MAGT1: variants seen among roughly 807,000 people sequenced by gnomAD.
MAGT1 encodes dolichyl-diphosphooligosaccharide--protein glycosyltransferase subunit MAGT1.
In MAGT1, 4 loss-of-function variants were observed where a neutral mutation model predicts 28.4. The observed-to-expected ratio is 0.14, with a 90% CI of 0.07 to 0.32. MAGT1 has a LOEUF of 0.32. Among genes scored for constraint, MAGT1 ranks in the 10% least tolerant of loss-of-function variants. The pLI is 1.00. For synonymous variants in MAGT1, 89 were observed against 89.7 expected (o/e 0.99, Z 0.04); for missense variants, 193 against 264.5 (o/e 0.73, Z 1.88).
At chrX:77,879,306 C>T (rs782687194) in intron 1 of MAGT1, among the ~76,000 whole-genome samples, 12 of 111,877 alleles carry the variant, frequency 1.1e-4, no homozygotes, top group African/African-American at 3.2e-4. Flanking sequence ...CTGCTCGCCT[C>T]GGCCTCCCAA....
At chrX:77,889,316 G>C (rs989587697) in intron 1 of MAGT1, among the ~76,000 whole-genome samples, 39 of 100,328 alleles carry the variant, frequency 3.9e-4, no homozygotes, top group Non-Finnish European at 7.0e-4. Context: ...AATTTTTGTG[G>C]GTACATAGTA....
At chrX:77,892,927 A>G (rs781986118) in intron 1 of MAGT1, among the ~76,000 whole-genome samples, 3 of 112,286 alleles carry the variant, frequency 2.7e-5, no homozygotes, top group African/African-American at 9.7e-5. Flanking sequence ...TGTGAGGTAA[A>G]GAAAAATTAA....
rs536579134 is a variant in MAGT1, at chrX:77,879,835, CT to C, written c.103-4239del. On this transcript the variant is annotated intron_variant, in intron 1 of 9. Coordinates refer to ENST00000618282, the MANE Select transcript of MAGT1 (RefSeq NM_001367916.1). Reference sequence around the variant, plus strand: ...TGGATTCTAAAAATGCATGATTTGCCTTTTTTTTTTTTTTTTTTTTAGACAG... The same window carrying C: ...TGGATTCTAAAAATGCATGATTTGCCTTTTTTTTTTTTTTTTTTTAGACAG... Among the ~76,000 whole-genome samples the C allele has an allele frequency of 8.1e-3, 590 of 73,171 alleles. 7 individuals carry two copies. The highest frequency in any genetic ancestry group is 0.028 in the African/African-American group (537 of 19,033). 63.5% of individuals were successfully genotyped at this position (73,171 alleles called of 115,157 possible). A position where few individuals can be genotyped will look rare whatever the true frequency, so the allele number is the denominator to read the frequency against.
At chrX:77,883,308 G>A (rs1242950653) in intron 1 of MAGT1, among the ~76,000 whole-genome samples, 1 of 104,632 alleles carries the variant, frequency 9.6e-6, no homozygotes, top group African/African-American at 3.5e-5. Context: ...GGCAGATCAC[G>A]AGGTCAGGAG....
At chrX:77,852,937 G>A (rs1355681574) in intron 7 of MAGT1, among the ~76,000 whole-genome samples, 4 of 111,698 alleles carry the variant, frequency 3.6e-5, no homozygotes, top group African/African-American at 1.3e-4. Flanking sequence ...TGGCTGAGAA[G>A]CACAATTCCA....
intron 8 of MAGT1, among the ~76,000 whole-genome samples, chrX:77,832,711 T>C (rs1009285250): frequency 9.5e-6 from 1 of 105,803 alleles, no homozygotes; most frequent in Non-Finnish European, 1.9e-5. Flanking sequence ...CAGGCACCTG[T>C]AATCCCAGCT....
intron 9 of MAGT1, among the ~76,000 whole-genome samples, chrX:77,830,214 T>C (rs2076893705): frequency 8.9e-6 from 1 of 111,881 alleles, no homozygotes; most frequent in Non-Finnish European, 1.9e-5. Context: ...CCTAGCCTCT[T>C]GGGAAGCTGA....
At chrX:77,847,216 G>A (rs1028200192) in intron 7 of MAGT1, among the ~76,000 whole-genome samples, 36 of 112,296 alleles carry the variant, frequency 3.2e-4, no homozygotes, top group Admixed American at 1.2e-3. Context: ...CTCCGTGGGC[G>A]TAGGACCCTC....
intron 1 of MAGT1, among the ~76,000 whole-genome samples, chrX:77,889,516 C>A (rs1459731990): frequency 9.4e-6 from 1 of 106,360 alleles, no homozygotes; most frequent in African/African-American, 3.4e-5. Flanking sequence ...GGACTACAGG[C>A]GCCCGCCACC....
In MAGT1 at chrX:77,842,751, C is replaced by T. The variant is rs945107114; in HGVS notation, c.827-1431G>A. On this transcript the variant is annotated intron_variant, in intron 7 of 9. Coordinates refer to ENST00000618282, the MANE Select transcript of MAGT1 (RefSeq NM_001367916.1). ...CTGAGGCAGGATAATCACTTGAACCCGGGAGGCAGAGGTTGCAGTGAGCCG... is the reference window on the plus strand; with the variant it reads ...CTGAGGCAGGATAATCACTTGAACCTGGGAGGCAGAGGTTGCAGTGAGCCG... Among the ~76,000 whole-genome samples the T allele has an allele frequency of 1.5e-4, 17 of 110,051 alleles. No homozygotes were observed. The South Asian group carries it at 4.2e-3, about 27-fold the overall frequency.
Position 77,895,420 on chromosome X carries a change from T to C in MAGT1, c.-10A>G, listed in dbSNP as rs1171559934. 16 of 1,208,844 alleles carry C rather than the reference T, an allele frequency of 1.3e-5. No individual in the cohort carries two copies. The highest frequency in any genetic ancestry group is 8.8e-5 in the Admixed American group (4 of 45,687). ...GCCAACGCGCTGCCATGTTCGCTCC[T>C]CTCCCTTCTATAAGTGAAACTTTGC... On this transcript the variant is annotated 5_prime_UTR_variant, in exon 1 of 10. Transcript: ENST00000618282.
chrX:77,877,275 T>C (rs2077037980), intron 1 of MAGT1, among the ~76,000 whole-genome samples: 1 of 109,621 alleles, frequency 9.1e-6, no homozygotes, highest in South Asian at 3.8e-4. Flanking sequence ...GCAGATCACT[T>C]GAGGCTAGGA....
At chrX:77,861,557 C>T (rs1569548071) in intron 3 of MAGT1, among the ~76,000 whole-genome samples, 1 of 111,690 alleles carries the variant, frequency 9.0e-6, no homozygotes, top group Non-Finnish European at 1.9e-5. Context: ...AGTATATAAC[C>T]AAAAGAACTG....
At position 77,829,215 on chromosome X, in the gene MAGT1, C is replaced by A; in HGVS notation, c.*5G>T. The A allele has an allele frequency of 1.7e-6, 2 of 1,197,474 alleles. No individual in the cohort carries two copies. Among genetic ancestry groups the A allele is most frequent in the Non-Finnish European group, 2.3e-6 (2 of 883,180 alleles). ...CTCCAGTGTCTATATATCTCTGGGA[C>A]CTTTTTAACTCATCAGAAAGCTGAA... On this transcript the variant is annotated 3_prime_UTR_variant, in exon 10 of 10. Transcript: ENST00000618282.
At chrX:77,862,213 T>C (rs1557216522) in intron 3 of MAGT1, among the ~76,000 whole-genome samples, 1 of 111,436 alleles carries the variant, frequency 9.0e-6, no homozygotes, top group African/African-American at 3.3e-5. Flanking sequence ...AGAGAAAGAT[T>C]TGAATCTCTT....
At chrX:77,830,571 C>A (rs192163160) in intron 9 of MAGT1, among the ~76,000 whole-genome samples, 4 of 109,963 alleles carry the variant, frequency 3.6e-5, no homozygotes, top group Non-Finnish European at 5.7e-5. Flanking sequence ...GCCGAGATTG[C>A]GCCATTGCAC....
At chrX:77,847,158 G>A (rs1335562827) in intron 7 of MAGT1, among the ~76,000 whole-genome samples, 1 of 112,326 alleles carries the variant, frequency 8.9e-6, no homozygotes, top group East Asian at 2.8e-4. Flanking sequence ...CAGCCTCGCT[G>A]CCGCCCTGCA....
At chrX:77,848,472 T>C (rs781813246) in intron 7 of MAGT1, among the ~76,000 whole-genome samples, 4 of 111,705 alleles carry the variant, frequency 3.6e-5, no homozygotes, top group African/African-American at 1.3e-4. Flanking sequence ...ATATCCATTA[T>C]ATAAACATTA....
intron 1 of MAGT1, 148 bp from the exon 2 acceptor site, chrX:77,875,745 G>C: frequency 2.0e-6 from 1 of 490,310 alleles, no homozygotes; most frequent in Non-Finnish European, 3.5e-6. Flanking sequence ...TAGTTGGGCT[G>C]GATGATAATT....
Sources: gnomAD v4.1 joint callset for allele counts (sites outside exome capture counted in the v4.1 genomes callset) on GRCh38, gnomAD v4.1.1 for gene constraint, MANE v1.5 for transcripts, NCBI Gene and HGNC (gene_info 2026-07-23, HGNC 2026-07-21) for gene names.